The following CPSF4 variants were observed in gnomAD, a reference collection of about 807,000 sequenced individuals.
The protein encoded by CPSF4 is cleavage and polyadenylation specific factor 4.
A neutral mutation model predicts 37.7 loss-of-function variants in CPSF4; 11 were observed. The observed-to-expected ratio is 0.29, with a 90% CI of 0.18 to 0.48. CPSF4 has a LOEUF of 0.48. CPSF4 is among the 20% of genes least tolerant of loss of function. The pLI, the probability that CPSF4 is intolerant of heterozygous loss-of-function variation, is 0.99. For missense variants in CPSF4, 144 were observed against 359.5 expected (o/e 0.40, Z 4.85); for synonymous variants, 132 against 135.9 (o/e 0.97, Z 0.20).
rs1798067680 is a variant in CPSF4, at chr7:99,453,320, TGCGTGGAG to T, written c.571-642_571-635del. ...CAGGAGAGGATGCGGAGGATGTAGC[TGCGTGGAG>T]GCGCCAATCACATTGAACTCTTGAT... is the stretch of plus-strand genomic sequence containing the variant. On this transcript the variant is annotated intron_variant, in intron 6 of 7. Coordinates refer to ENST00000292476, the MANE Select transcript of CPSF4 (RefSeq NM_006693.4). This position sits in a 1 kb window ranked among gnomAD's most constrained non-coding sequence, Gnocchi z 4.7. The T allele has an allele frequency of 6.6e-6, 1 of 152,638 alleles. No individual in the cohort carries two copies. Among genetic ancestry groups the T allele is most frequent in the Non-Finnish European group, 1.5e-5 (1 of 68,436 alleles). 9.5% of individuals were successfully genotyped at this position (152,638 alleles called of 1,614,324 possible). A position where few individuals can be genotyped will look rare whatever the true frequency, so the allele number is the denominator to read the frequency against.
At position 99,456,689 on chromosome 7, in the gene CPSF4, A is replaced by G. The variant is rs1476819841; in HGVS notation, c.*189A>G. 5 of 676,294 alleles carry G rather than the reference A, an allele frequency of 7.4e-6. No homozygotes were observed. The highest frequency in any genetic ancestry group is 1.1e-5 in the Non-Finnish European group (4 of 369,284). The allele number at this position is 676,294 out of a possible 1,614,324, so 41.9% of individuals were successfully genotyped here. A position where few individuals can be genotyped will look rare whatever the true frequency, so the allele number is the denominator to read the frequency against. ...CCTTAGTATTTTTTGAAAAAGGGAC[A>G]TGTGTCCTGTGGGTCCCTGCAGTCG... On this transcript the variant is annotated 3_prime_UTR_variant, in exon 8 of 8. Coordinates refer to ENST00000292476, the MANE Select transcript of CPSF4 (RefSeq NM_006693.4).
intron 7 of CPSF4, among the ~76,000 whole-genome samples, chr7:99,455,186 A>G (rs956003928): frequency 2.0e-5 from 3 of 152,146 alleles, no homozygotes; most frequent in Non-Finnish European, 4.4e-5. Flanking sequence ...GGAGCCTTAG[A>G]AAGGTAGGGC....
At position 99,456,316 on chromosome 7, in the gene CPSF4, C is replaced by T. The variant is rs539682660; in HGVS notation, c.742-116C>T. 151 of 861,336 alleles carry T rather than the reference C, an allele frequency of 1.8e-4. 1 individual carries two copies. The highest frequency in any genetic ancestry group is 1.1e-3 in the South Asian group (80 of 69,792). The allele number at this position is 861,336 out of a possible 1,614,324, so 53.4% of individuals were successfully genotyped here. On this transcript the variant is annotated intron_variant, in intron 7 of 7. Coordinates refer to ENST00000292476, the MANE Select transcript of CPSF4 (RefSeq NM_006693.4). ...CACTGAGAATTTCAGAGTCATGTCC[C>T]GACTGGGGACTTGGTGGATGATTTG...
chr7:99,447,259 C>CT (rs886779022), intron 2 of CPSF4, among the ~76,000 whole-genome samples: 30 of 105,150 alleles, frequency 2.9e-4, no homozygotes, highest in South Asian at 7.7e-4. Context: ...AAGTTCCTTT[C>CT]TTTTTTTTTT....
Position 99,448,029 on chromosome 7 carries a change from T to G in CPSF4, c.155-92T>G. The G allele has an allele frequency of 7.5e-7, 1 of 1,338,026 alleles. No homozygotes were observed. The highest frequency in any genetic ancestry group is 1.0e-6 in the Non-Finnish European group (1 of 956,944). 82.9% of individuals were successfully genotyped at this position (1,338,026 alleles called of 1,614,324 possible). ...GATGCCTTCAGGTGGCTCCAGGAGT[T>G]AGGAAGTGAAGGTACCTCAGCTTCT... On this transcript the variant is annotated intron_variant, in intron 2 of 7. Transcript: ENST00000292476. The surrounding 1 kb of genome is among the most constrained non-coding windows in gnomAD (Gnocchi z 4.4).
At chr7:99,452,543 C>T in intron 6 of CPSF4, 103 bp downstream of exon 6, 1 of 1,039,354 alleles carries the variant, frequency 9.6e-7, no homozygotes. Context: ...CGCTGGACAA[C>T]TTGGGAGAGG....
chr7:99,447,290 CAG>C (rs1797595734), intron 2 of CPSF4, among the ~76,000 whole-genome samples: 6 of 135,794 alleles, frequency 4.4e-5, no homozygotes, highest in South Asian at 2.3e-4. Flanking sequence ...TTTTTTGAGA[CAG>C]AGTTTTGTTC....
intron 2 of CPSF4, among the ~76,000 whole-genome samples, chr7:99,447,462 G>A (rs1797611082): frequency 6.6e-6 from 1 of 151,148 alleles, no homozygotes; most frequent in African/African-American, 2.4e-5. Context: ...AGTAGAGATG[G>A]GGTTTCACCA....
At position 99,456,855 on chromosome 7, in the gene CPSF4, C is replaced by T. The variant is rs1798349918; in HGVS notation, c.*355C>T. 1 of 392,274 alleles carries T rather than the reference C, an allele frequency of 2.5e-6. No individual in the cohort carries two copies. The highest frequency in any genetic ancestry group is 2.1e-5 in the South Asian group (1 of 47,374). 24.3% of individuals were successfully genotyped at this position (392,274 alleles called of 1,614,324 possible). On this transcript the variant is annotated 3_prime_UTR_variant, in exon 8 of 8. Transcript: ENST00000292476. ...CGGTGGTCATTCCCCTCATTAAACA[C>T]CAGTTCTTGGTGACGCCAGGGGCTG...
In CPSF4 at chr7:99,439,155, G is replaced by A; in HGVS notation, c.73G>A (p.Ala25Thr). 1 of 1,608,414 alleles carries A rather than the reference G, an allele frequency of 6.2e-7. No homozygotes were observed. The highest frequency in any genetic ancestry group is 8.5e-7 in the Non-Finnish European group (1 of 1,178,714). Residue 25 changes from alanine (A) to threonine (T), a missense_variant, in exon 1 of 8, where the codon GCG (alanine) becomes ACG (threonine). Physicochemically the swap from Ala to Thr is moderately conservative, Grantham distance 58. Around this residue, in one of 4 missense-constraint regions of CPSF4, gnomAD observed 42 missense variants for 86.4 expected, o/e 0.49. Coordinates refer to ENST00000292476, the MANE Select transcript of CPSF4 (RefSeq NM_006693.4). ...LEIAVEQQLG[A>T]QPLPFPGMDK... ...GATCGCGGTGGAGCAGCAGCTGGGG[G>A]CGCAGCCGCTGCCCTTCCCCGGCAT...
chr7:99,442,200 CTG>C (rs1216262492), intron 1 of CPSF4, among the ~76,000 whole-genome samples: 2 of 152,164 alleles, frequency 1.3e-5, no homozygotes, highest in African/African-American at 2.4e-5. Flanking sequence ...GTAGAGGAAA[CTG>C]TTTCTGATGC....
intron 1 of CPSF4, among the ~76,000 whole-genome samples, chr7:99,443,930 A>AC (rs914025597): frequency 2.0e-5 from 3 of 151,676 alleles, no homozygotes; most frequent in Non-Finnish European, 4.4e-5. Flanking sequence ...AAAAAATAGA[A>AC]AAAAAAAATT....
At chr7:99,446,814 A>G (rs1314648932) in intron 2 of CPSF4, among the ~76,000 whole-genome samples, 4 of 43,654 alleles carry the variant, frequency 9.2e-5, no homozygotes, top group South Asian at 7.7e-4. Flanking sequence ...TTTTTAACGG[A>G]GTTTTGCTCT....
At chr7:99,452,337 G>T (rs771222701) in intron 5 of CPSF4, 31 bp from the exon 6 acceptor site, 8 of 1,599,876 alleles carry the variant, frequency 5.0e-6, no homozygotes, top group Non-Finnish European at 6.0e-6. Flanking sequence ...TCCTTCTCTT[G>T]TTCTCATCCC....
intron 1 of CPSF4, among the ~76,000 whole-genome samples, chr7:99,442,609 G>T (rs1316424887): frequency 1.7e-5 from 2 of 117,054 alleles, no homozygotes; most frequent in African/African-American, 6.8e-5. Context: ...AGTGAGCCGA[G>T]ATCACACCAC....
chr7:99,446,334 T>A (rs951284229), intron 2 of CPSF4, among the ~76,000 whole-genome samples: 1 of 152,194 alleles, frequency 6.6e-6, no homozygotes, highest in African/African-American at 2.4e-5. Context: ...TTAAGTAAAA[T>A]CAAATCACAT....
chr7:99,456,351 G>A (rs1013108433), intron 7 of CPSF4, 81 bp from the exon 8 acceptor site: 43 of 1,247,472 alleles, frequency 3.4e-5, no homozygotes, highest in Non-Finnish European at 4.7e-5. Context: ...GGGATTTGGT[G>A]GGCACTCCCT....
chr7:99,450,922 G>A, intron 5 of CPSF4, 127 bp downstream of exon 5: 1 of 667,880 alleles, frequency 1.5e-6, no homozygotes, highest in Non-Finnish European at 2.6e-6. Flanking sequence ...AAGGGTGGGG[G>A]CAGGAGATGG....
intron 7 of CPSF4, among the ~76,000 whole-genome samples, chr7:99,455,857 C>T (rs1158367027): frequency 1.3e-5 from 2 of 152,242 alleles, no homozygotes; most frequent in Non-Finnish European, 2.9e-5. Flanking sequence ...CCCAAGGTAG[C>T]TTAGGTGTGT....
Sources: allele counts gnomAD v4.1 joint callset (sites outside exome capture counted in the v4.1 genomes callset), GRCh38; gene constraint gnomAD v4.1.1; regional missense constraint gnomAD v4.1.1; non-coding constraint Gnocchi (gnomAD v3.1); transcripts MANE v1.5; gene names NCBI Gene and HGNC (gene_info 2026-07-23, HGNC 2026-07-21).